GABRB1: variants seen among roughly 807,000 people sequenced by gnomAD.
GABRB1 encodes the protein gamma-aminobutyric acid type A receptor subunit beta1.
In GABRB1, 17 loss-of-function variants were observed where a neutral mutation model predicts 51.6. The ratio of observed to expected loss-of-function variants is 0.33; its 90% confidence interval spans 0.23 to 0.49. The LOEUF is 0.49. Ranked by LOEUF, GABRB1 falls within the 20% of genes least tolerant of loss-of-function variation. The pLI is 0.99. For missense variants in GABRB1, 410 were observed against 600.6 expected (o/e 0.68, Z 3.32); for synonymous variants, 247 against 218.9 (o/e 1.13, Z -1.14).
intron 3 of GABRB1, among the ~76,000 whole-genome samples, chr4:47,078,140 C>G (rs1468577520): frequency 6.6e-6 from 1 of 150,756 alleles, no homozygotes; most frequent in African/African-American, 2.4e-5. Flanking sequence ...CAGGCATGCA[C>G]CACCATGCCT....
At position 47,320,763 on chromosome 4, in the gene GABRB1, C is replaced by CTTTTTTTTTTTTTTTTTT. The variant is rs1264288318; in HGVS notation, c.544+560_544+561insTTTTTTTTTTTTTTTTTT. On this transcript the variant is annotated intron_variant, in intron 5 of 8. Transcript: ENST00000295454. ...GCTTTTTCACTGATTGTTTTCTTTTCTTTTTTCTTTTTTTTTTTTTTTTTG... is the reference window on the plus strand; with the variant it reads ...GCTTTTTCACTGATTGTTTTCTTTTCTTTTTTTTTTTTTTTTTTTTTTTTCTTTTTTTTTTTTTTTTTG... 3.5e-5 allele frequency among the ~76,000 whole-genome samples: 4 copies of CTTTTTTTTTTTTTTTTTT among 113,314 alleles called. 1 individual carries two copies. Among genetic ancestry groups the CTTTTTTTTTTTTTTTTTT allele is most frequent in the African/African-American group, 6.2e-5 (2 of 32,120 alleles). 74.3% of individuals were successfully genotyped at this position (113,314 alleles called of 152,430 possible). A position where few individuals can be genotyped will look rare whatever the true frequency, so the allele number is the denominator to read the frequency against.
chr4:47,180,899 A>G (rs1331254685), intron 4 of GABRB1, among the ~76,000 whole-genome samples: 2 of 152,014 alleles, frequency 1.3e-5, no homozygotes, highest in African/African-American at 4.8e-5. Context: ...ATTAAGATTA[A>G]CACTAATAAA....
intron 5 of GABRB1, among the ~76,000 whole-genome samples, chr4:47,326,031 A>G (rs1725245733): frequency 1.3e-5 from 2 of 152,244 alleles, no homozygotes; most frequent in African/African-American, 4.8e-5. Context: ...AATTCCAGAA[A>G]TAAACTTTCA....
intron 3 of GABRB1, among the ~76,000 whole-genome samples, chr4:47,118,328 C>T (rs759142154): frequency 6.6e-6 from 1 of 152,066 alleles, no homozygotes; most frequent in South Asian, 2.1e-4. Context: ...GACTCATTCA[C>T]AGGACTCAAT....
At position 47,105,311 on chromosome 4, in the gene GABRB1, T is replaced by C. The variant is rs1714914064; in HGVS notation, c.241-55938T>C. On this transcript the variant is annotated intron_variant, in intron 3 of 8. Coordinates refer to ENST00000295454, the MANE Select transcript of GABRB1 (RefSeq NM_000812.4). ...AACTTCAGAGAATCAATCTCTCTTTTATCTCTCTCTCTCTTTCTCTGCTCT... is the reference window on the plus strand; with the variant it reads ...AACTTCAGAGAATCAATCTCTCTTTCATCTCTCTCTCTCTTTCTCTGCTCT... Among the ~76,000 whole-genome samples the C allele has an allele frequency of 2.0e-5, 3 of 152,124 alleles. No individual in the cohort carries two copies. The South Asian group carries it at 6.2e-4, about 31-fold the overall frequency.
chr4:47,075,219 T>C (rs770361694), intron 3 of GABRB1, among the ~76,000 whole-genome samples: 30 of 152,164 alleles, frequency 2.0e-4, no homozygotes, highest in Non-Finnish European at 4.0e-4. Flanking sequence ...CTGCAGTCTC[T>C]GACCCAACAA....
intron 5 of GABRB1, among the ~76,000 whole-genome samples, chr4:47,330,703 C>A (rs1725446604): frequency 6.6e-6 from 1 of 152,116 alleles, no homozygotes; most frequent in African/African-American, 2.4e-5. Context: ...GCCTCAAAAT[C>A]TAGACTGCTG....
At chr4:47,123,342 AAT>A (rs1256853526) in intron 3 of GABRB1, among the ~76,000 whole-genome samples, 1 of 133,322 alleles carries the variant, frequency 7.5e-6, no homozygotes, top group South Asian at 2.2e-4. Flanking sequence ...AATATTATAT[AAT>A]ATATATTAGA....
intron 4 of GABRB1, among the ~76,000 whole-genome samples, chr4:47,275,849 T>C (rs990275951): frequency 3.3e-5 from 5 of 152,194 alleles, no homozygotes; most frequent in Admixed American, 6.6e-5. Flanking sequence ...AGGAATTTAA[T>C]TTAAACCAAC....
chr4:47,052,728 G>C (rs186556875), intron 3 of GABRB1, among the ~76,000 whole-genome samples: 1 of 152,216 alleles, frequency 6.6e-6, no homozygotes, highest in East Asian at 1.9e-4. Flanking sequence ...TTCCTATTCA[G>C]TTCTCTCATT....
intron 5 of GABRB1, among the ~76,000 whole-genome samples, chr4:47,356,183 C>T (rs1006964249): frequency 6.6e-5 from 10 of 152,274 alleles, no homozygotes; most frequent in African/African-American, 1.4e-4. Flanking sequence ...CTAAAGACAT[C>T]GTGTTTGTAT....
intron 5 of GABRB1, among the ~76,000 whole-genome samples, chr4:47,323,695 A>G (rs891419938): frequency 2.0e-5 from 3 of 152,170 alleles, no homozygotes; most frequent in Non-Finnish European, 4.4e-5. Context: ...CACAAAATCC[A>G]CTAGTTCGTA....
chr4:47,174,529 G>A (rs1210115505), intron 4 of GABRB1, among the ~76,000 whole-genome samples: 2 of 152,056 alleles, frequency 1.3e-5, no homozygotes, highest in Non-Finnish European at 2.9e-5. Flanking sequence ...ATTATAAAAT[G>A]TTTAATTAGA....
At chr4:47,066,034 C>T (rs1164398508) in intron 3 of GABRB1, among the ~76,000 whole-genome samples, 1 of 152,044 alleles carries the variant, frequency 6.6e-6, no homozygotes, top group Non-Finnish European at 1.5e-5. Flanking sequence ...AATTAATCAA[C>T]TATAAGATGT....
intron 4 of GABRB1, among the ~76,000 whole-genome samples, chr4:47,263,952 G>T (rs1389558311): frequency 6.6e-6 from 1 of 151,016 alleles, no homozygotes; most frequent in African/African-American, 2.4e-5. Flanking sequence ...TTCAAAACAT[G>T]ACGAAAGTTC....
intron 5 of GABRB1, among the ~76,000 whole-genome samples, chr4:47,376,970 CTTTAT>C (rs948169044): frequency 3.9e-5 from 6 of 152,042 alleles, no homozygotes; most frequent in African/African-American, 1.4e-4. Flanking sequence ...TTGTATAGCC[CTTTAT>C]TTTAATACTT....
intron 4 of GABRB1, among the ~76,000 whole-genome samples, chr4:47,295,032 C>A (rs1159779147): frequency 2.0e-5 from 3 of 152,210 alleles, no homozygotes; most frequent in Non-Finnish European, 2.9e-5. Context: ...CTCCAACAGA[C>A]CTGCAGCTGA....
chr4:47,362,642 G>A (rs1726848819), intron 5 of GABRB1, among the ~76,000 whole-genome samples: 1 of 152,142 alleles, frequency 6.6e-6, no homozygotes, highest in African/African-American at 2.4e-5. Context: ...TATGCACTCA[G>A]AGGACAGACT....
rs567300207 is a variant in GABRB1, at chr4:47,295,198, T to A, written c.462-24929T>A. ...AAACTGGAAACTCTAAAAAGCAGAG[T>A]GCCTCTCCTCCTCCAAAGGAATGCA... On this transcript the variant is annotated intron_variant, in intron 4 of 8. Coordinates refer to ENST00000295454, the MANE Select transcript of GABRB1 (RefSeq NM_000812.4). 6.6e-5 allele frequency among the ~76,000 whole-genome samples: 10 copies of A among 152,042 alleles called. 1 individual carries two copies. In the South Asian group the frequency reaches 2.1e-3, roughly 32 times the overall value.
Sources: allele counts gnomAD v4.1 joint callset (sites outside exome capture counted in the v4.1 genomes callset), GRCh38; gene constraint gnomAD v4.1.1; transcripts MANE v1.5; gene names NCBI Gene and HGNC (gene_info 2026-07-23, HGNC 2026-07-21).